Variants in STX8 observed in about 807,000 individuals in gnomAD.
STX8 encodes syntaxin 8, also known as syntaxin-8.
A neutral mutation model predicts 37.5 loss-of-function variants in STX8; 23 were observed. The ratio of observed to expected loss-of-function variants is 0.61; its 90% CI spans 0.44 to 0.87. The LOEUF is 0.87. Among genes scored for constraint, STX8 ranks in the 40% least tolerant of loss-of-function variants. The pLI is 0.00. For synonymous variants in STX8, 115 were observed against 99.1 expected, an observed-to-expected ratio of 1.16 and a Z score of -0.95; for missense variants, 313 against 284.7, an observed-to-expected ratio of 1.10 and a Z score of -0.71.
At chr17:9,570,795 G>A (rs537734466) in intron 1 of STX8, among the ~76,000 whole-genome samples, 11 of 152,264 alleles carry the variant, frequency 7.2e-5, no homozygotes, top group Non-Finnish European at 1.6e-4. Context: ...TGGTAAGTAC[G>A]TCTGGAGTTC....
At chr17:9,445,719 C>T (rs1904824934) in intron 6 of STX8, among the ~76,000 whole-genome samples, 1 of 152,108 alleles carries the variant, frequency 6.6e-6, no homozygotes, top group Non-Finnish European at 1.5e-5. Flanking sequence ...CACTTCCAAA[C>T]TATTACCCAC....
At chr17:9,340,630 C>T (rs1033343896) in intron 7 of STX8, among the ~76,000 whole-genome samples, 78 of 116,780 alleles carry the variant, frequency 6.7e-4, no homozygotes, top group African/African-American at 2.4e-3. Context: ...ATTGCTGTTT[C>T]TTATCAATGT....
intron 7 of STX8, among the ~76,000 whole-genome samples, chr17:9,313,831 T>C (rs934724678): frequency 1.3e-5 from 2 of 152,104 alleles, no homozygotes; most frequent in African/African-American, 4.8e-5. Flanking sequence ...GGGGTTTCAC[T>C]ATGTTAGCCA....
chr17:9,529,695 C>A (rs1255413135), intron 4 of STX8, among the ~76,000 whole-genome samples: 2 of 152,162 alleles, frequency 1.3e-5, no homozygotes, highest in Admixed American at 6.5e-5. Context: ...TGTCTGAGAT[C>A]CATCCATAGT....
intron 6 of STX8, among the ~76,000 whole-genome samples, chr17:9,486,898 A>G (rs894428826): frequency 3.3e-5 from 5 of 152,098 alleles, no homozygotes; most frequent in Non-Finnish European, 7.3e-5. Context: ...GTCTGTCATG[A>G]GCCCTTTGTG....
rs368137687 is a variant in STX8 at position 9,493,155 on chromosome 17, TG to T, written c.449-1235del. On this transcript the variant is annotated intron_variant, in intron 5 of 7. Transcript: ENST00000306357. ...GCATGTACCTGTAGTGTCAGCTACT[TG>T]GGAGGCTGAGGTGAGAGGATTGGTT... is the stretch of plus-strand genomic sequence containing the variant. Among the ~76,000 whole-genome samples, 97 of 150,930 alleles carry T rather than the reference TG, an allele frequency of 6.4e-4. 6 individuals are homozygous for T. In the South Asian group the frequency reaches 0.02, roughly 31 times the overall value.
intron 6 of STX8, among the ~76,000 whole-genome samples, chr17:9,472,766 C>T (rs749104764): frequency 1.1e-4 from 17 of 152,206 alleles, no homozygotes; most frequent in Admixed American, 1.1e-3. Flanking sequence ...GGCCAGCTGT[C>T]CCAGGGCCTG....
chr17:9,267,680 A>G (rs181840027), intron 7 of STX8, among the ~76,000 whole-genome samples: 1 of 152,336 alleles, frequency 6.6e-6, no homozygotes, highest in East Asian at 1.9e-4. Context: ...CAGCCTGTAT[A>G]CCTATATGTA....
At chr17:9,348,022 T>G (rs1910587585) in intron 7 of STX8, among the ~76,000 whole-genome samples, 1 of 152,182 alleles carries the variant, frequency 6.6e-6, no homozygotes, top group Non-Finnish European at 1.5e-5. Context: ...GTGTGAAGGC[T>G]TTTGTGAAAT....
At chr17:9,491,286 A>T (rs539617369) in intron 6 of STX8, among the ~76,000 whole-genome samples, 1 of 141,078 alleles carries the variant, frequency 7.1e-6, no homozygotes, top group African/African-American at 3.0e-5. Flanking sequence ...CCTACAACCC[A>T]TCCAGGCCCT....
rs534475818 is a variant in STX8 at position 9,480,895 on chromosome 17, T to TTTCTTTCTTTCTTTCTTTCTTTCTTTC, written c.541+10933_541+10934insGAAAGAAAGAAAGAAAGAAAGAAAGAA. 4.3e-3 allele frequency among the ~76,000 whole-genome samples: 646 copies of TTTCTTTCTTTCTTTCTTTCTTTCTTTC among 151,066 alleles called. 2 individuals are homozygous for TTTCTTTCTTTCTTTCTTTCTTTCTTTC. Among genetic ancestry groups the TTTCTTTCTTTCTTTCTTTCTTTCTTTC allele is most frequent in the African/African-American group, 0.015 (604 of 40,582 alleles). On this transcript the variant is annotated intron_variant, in intron 6 of 7. Coordinates refer to ENST00000306357, the MANE Select transcript of STX8 (RefSeq NM_004853.3). ...GCCAATTTCTTTCTTTCTTTCTTTCTTTTTTTTGAGGTGGAGCCTTGCTCT... is the reference window on the plus strand; with the variant it reads ...GCCAATTTCTTTCTTTCTTTCTTTCTTTCTTTCTTTCTTTCTTTCTTTCTTTCTTTTTTTGAGGTGGAGCCTTGCTCT...
chr17:9,501,059 T>C (rs1416351165), intron 5 of STX8, among the ~76,000 whole-genome samples: 4 of 152,052 alleles, frequency 2.6e-5, no homozygotes, highest in African/African-American at 9.7e-5. Context: ...GGATAAAAGA[T>C]ATATAAGACA....
At chr17:9,491,729 C>G in intron 6 of STX8, 100 bp downstream of exon 6, 1 of 1,007,856 alleles carries the variant, frequency 9.9e-7, no homozygotes, top group East Asian at 2.5e-5. Context: ...GACATTAAAC[C>G]ACTTTACATG....
intron 4 of STX8, among the ~76,000 whole-genome samples, chr17:9,516,663 T>C (rs1319029830): frequency 6.6e-6 from 1 of 152,132 alleles, no homozygotes; most frequent in Admixed American, 6.5e-5. Flanking sequence ...TTATGTTCAA[T>C]TTAACATTTG....
intron 6 of STX8, among the ~76,000 whole-genome samples, chr17:9,418,820 C>A: frequency 9.2e-6 from 1 of 108,932 alleles, no homozygotes; most frequent in African/African-American, 3.5e-5. Context: ...GAGCAAGACT[C>A]CGTCTCAAAA....
intron 6 of STX8, among the ~76,000 whole-genome samples, chr17:9,465,384 G>A (rs1297099257): frequency 4.3e-4 from 65 of 152,292 alleles, no homozygotes; most frequent in Non-Finnish European, 7.3e-5. Context: ...GTTACTGCCT[G>A]TGCAGCTCAC....
chr17:9,457,259 T>TA (rs1157644352), intron 6 of STX8, among the ~76,000 whole-genome samples: 1 of 152,202 alleles, frequency 6.6e-6, no homozygotes. Context: ...CTCCGTGGGT[T>TA]AAAATCAACG....
chr17:9,310,946 G>A (rs1909169311), intron 7 of STX8, among the ~76,000 whole-genome samples: 1 of 152,132 alleles, frequency 6.6e-6, no homozygotes, highest in African/African-American at 2.4e-5. Context: ...GATTTTGAAA[G>A]AGGAGGAGTC....
At chr17:9,300,830 CTTTTTT>C (rs1164799565) in intron 7 of STX8, among the ~76,000 whole-genome samples, 5 of 90,908 alleles carry the variant, frequency 5.5e-5, no homozygotes, top group Non-Finnish European at 8.3e-5. Flanking sequence ...TTATTTTGTT[CTTTTTT>C]TTTTTTTTTT....
Sources: allele counts gnomAD v4.1 joint callset (sites outside exome capture counted in the v4.1 genomes callset), GRCh38; gene constraint gnomAD v4.1.1; transcripts MANE v1.5; gene names NCBI Gene and HGNC (gene_info 2026-07-23, HGNC 2026-07-21).